Variants in CDHR2 observed in about 807,000 individuals in gnomAD.
CDHR2 encodes the protein cadherin-related family member 2.
CDHR2 carries 104 observed loss-of-function variants against 138.6 expected under a neutral mutation model. The ratio of observed to expected loss-of-function variants is 0.75; its 90% CI spans 0.64 to 0.88. CDHR2 has a LOEUF of 0.88. Ranked by LOEUF, CDHR2 falls within the 40% of genes least tolerant of loss-of-function variation. The pLI is 0.00. For missense variants in CDHR2, 1,624 were observed against 1,727.6 expected, an observed-to-expected ratio of 0.94 and a Z score of 1.06; for synonymous variants, 755 against 742.8, an observed-to-expected ratio of 1.02 and a Z score of -0.27.
At position 176,558,195 on chromosome 5, in the gene CDHR2, T is replaced by G. The variant is rs187731746; in HGVS notation, c.-15-7143T>G. ...TTCCTGCATGGTCACTGGTTTTGCT[T>G]GCTTAGTTTTCTTTTCTTATTTTTT... On this transcript the variant is annotated intron_variant, in intron 1 of 31. Coordinates refer to ENST00000261944, the MANE Select transcript of CDHR2 (RefSeq NM_017675.6). Among the ~76,000 whole-genome samples the G allele has an allele frequency of 6.3e-3, 935 of 148,858 alleles. 7 individuals carry two copies. Among genetic ancestry groups the G allele is most frequent in the African/African-American group, 0.022 (900 of 40,518 alleles).
At chr5:176,563,541 C>T (rs144863137) in intron 1 of CDHR2, among the ~76,000 whole-genome samples, 644 of 152,168 alleles carry the variant, frequency 4.2e-3, no homozygotes, top group Middle Eastern at 0.01. Flanking sequence ...TGTAGGGCTG[C>T]CTGGCTTCAC....
At chr5:176,545,049 A>G (rs114031634), upstream of CDHR2, among the ~76,000 whole-genome samples, 1 of 152,152 alleles carries the variant, frequency 6.6e-6, no homozygotes, top group Non-Finnish European at 1.5e-5. Flanking sequence ...CAACTTGATA[A>G]ATTTCTGAGT....
rs1003877799 is a variant in CDHR2 at position 176,589,090 on chromosome 5, C to A, written c.2916C>A (p.Asp972Glu). The change falls in exon 22 of 32, where the codon GAC (aspartate) becomes GAA (glutamate). Residue 972 changes from aspartate (D) to glutamate (E), a missense_variant. Asp to Glu is a conservative substitution (Grantham distance 45, BLOSUM62 2). Transcript: ENST00000261944. ...GVILFSILRV[D>E]FISKDGATIP... ...TCCTGTTCTCCATCCTCCGAGTAGA[C>A]TTCATCTCTAAGGACGGGGCCACCA... is the stretch of plus-strand genomic sequence containing the variant. 9 of 1,614,112 alleles carry A rather than the reference C, an allele frequency of 5.6e-6. No homozygotes were observed. The highest frequency in any genetic ancestry group is 7.6e-6 in the Non-Finnish European group (9 of 1,179,984).
At position 176,575,434 on chromosome 5, in the gene CDHR2, G is replaced by GGGGACCT. The variant is rs777398718; in HGVS notation, c.768+10_768+16dup. The GGGGACCT allele has an allele frequency of 2.5e-6, 4 of 1,614,256 alleles. 1 individual carries two copies. Among genetic ancestry groups the GGGGACCT allele is most frequent in the Non-Finnish European group, 3.4e-6 (4 of 1,180,046 alleles). On this transcript the variant is annotated intron_variant, in intron 9 of 31. Coordinates refer to ENST00000261944, the MANE Select transcript of CDHR2 (RefSeq NM_017675.6). ...GCTGAGGATGCAGCCAAGGTGCACG[G>GGGGACCT]GGGACCTGTGGGGTGTGGGTGGAGG...
At position 176,565,708 on chromosome 5, in the gene CDHR2, T is replaced by C; in HGVS notation, c.89T>C (p.Met30Thr). ...GTGGCCCCGAAGTTCCTAGCCAACATGACGTCAGTGATCCTGCCTGAGGAC... is the reference window on the plus strand; with the variant it reads ...GTGGCCCCGAAGTTCCTAGCCAACACGACGTCAGTGATCCTGCCTGAGGAC... ...ANVAPKFLAN[M>T]TSVILPEDLP... is the part of the protein sequence containing the mutation. The change falls in exon 3 of 32, where the codon ATG becomes ACG. Residue 30 changes from methionine (M) to threonine (T), a missense_variant. By Grantham distance (81) the Met-to-Thr change is moderately conservative (BLOSUM62 -1). Coordinates refer to ENST00000261944, the MANE Select transcript of CDHR2 (RefSeq NM_017675.6). 6.2e-7 allele frequency: 1 copy of C among 1,613,972 alleles called. No individual in the cohort carries two copies. The highest frequency in any genetic ancestry group is 8.5e-7 in the Non-Finnish European group (1 of 1,179,946).
rs750406157 is a variant in CDHR2, at chr5:176,585,980, G to C, written c.2761G>C (p.Val921Leu). The change falls in exon 20 of 32, where the codon GTG (valine) becomes CTG (leucine). Residue 921 changes from valine (V) to leucine (L), a missense_variant. By Grantham distance (32) the Val-to-Leu change is conservative. Coordinates refer to ENST00000261944, the MANE Select transcript of CDHR2 (RefSeq NM_017675.6). ...NGSLLITIED[V>L]NDNAPYFLPE... ...AAGCCTCCTCATTACCATTGAGGAC[G>C]TGAATGACAATGCACCCTATTTTCT... The C allele has an allele frequency of 1.2e-5, 19 of 1,613,964 alleles. No homozygotes were observed. The highest frequency in any genetic ancestry group is 1.6e-5 in the Non-Finnish European group (19 of 1,179,880).
rs1165959937 is a variant in CDHR2 at position 176,578,356 on chromosome 5, T to G, written c.1575-9T>G. The G allele has an allele frequency of 1.2e-6, 2 of 1,609,314 alleles. No homozygotes were observed. The highest frequency in any genetic ancestry group is 1.7e-5 in the Admixed American group (1 of 59,362). ...GTCTCTATTTGCTGAACCTGGCCCC[T>G]CTGAGCAGGGCAGACCTCTTCCAAG... On this transcript the variant is annotated splice_polypyrimidine_tract_variant and intron_variant, in intron 15 of 31. Coordinates refer to ENST00000261944, the MANE Select transcript of CDHR2 (RefSeq NM_017675.6).
intron 1 of CDHR2, among the ~76,000 whole-genome samples, chr5:176,562,862 T>A (rs1202474066): frequency 6.6e-6 from 1 of 152,150 alleles, no homozygotes; most frequent in African/African-American, 2.4e-5. Context: ...GCATGCAACA[T>A]ATGATCCACG....
At chr5:176,592,640 G>A in intron 30 of CDHR2, 83 bp from the exon 31 acceptor site, 1 of 1,056,090 alleles carries the variant, frequency 9.5e-7, no homozygotes, top group African/African-American at 1.6e-5. Flanking sequence ...GATGGTGATG[G>A]TGGTGATGGA....
In CDHR2 at chr5:176,578,438, A is replaced by C. The variant is rs765508971; in HGVS notation, c.1648A>C (p.Ser550Arg). 8.7e-6 allele frequency: 14 copies of C among 1,613,966 alleles called. No homozygotes were observed. In the South Asian group the frequency reaches 1.5e-4, roughly 18 times the overall value. Residue 550 changes from serine (S) to arginine (R), a missense_variant, in exon 16 of 32, where the codon AGC (serine) becomes CGC (arginine). Coordinates refer to ENST00000261944, the MANE Select transcript of CDHR2 (RefSeq NM_017675.6). The stretch of plus-strand genomic sequence containing the variant: ...GAACGGTGAGCTGCTGGACCGGGAG[A>C]GCCAGGCCGTGTACTACCTGACGCT... Reference protein sequence around the residue: ...VRNGELLDRESQAVYYLTLQA... With the variant: ...VRNGELLDRERQAVYYLTLQA...
intron 1 of CDHR2, among the ~76,000 whole-genome samples, chr5:176,557,542 T>C (rs1255623838): frequency 1.3e-5 from 2 of 151,160 alleles, no homozygotes; most frequent in Non-Finnish European, 2.9e-5. Context: ...TATTTCCTTT[T>C]TATTATCACC....
Position 176,575,940 on chromosome 5 carries a change from T to A in CDHR2, c.961-12T>A. 1 of 1,608,074 alleles carries A rather than the reference T, an allele frequency of 6.2e-7. No homozygotes were observed. The highest frequency in any genetic ancestry group is 1.1e-5 in the South Asian group (1 of 90,416). ...TGGCTCTCTGCCCTCTGCCCTCTGC[T>A]CTGTGCCTCAGGCCACCGAGACACA... On this transcript the variant is annotated splice_polypyrimidine_tract_variant and intron_variant, in intron 11 of 31. Transcript: ENST00000261944.
Sources: gnomAD v4.1 joint callset for allele counts (sites outside exome capture counted in the v4.1 genomes callset) on GRCh38, gnomAD v4.1.1 for gene constraint, MANE v1.5 for transcripts, NCBI Gene and HGNC (gene_info 2026-07-23, HGNC 2026-07-21) for gene names.